Variants in TRPM1 observed in about 807,000 individuals in gnomAD.
TRPM1 encodes transient receptor potential cation channel subfamily M member 1.
Under a neutral mutation model 149.4 loss-of-function variants are expected in TRPM1, and 113 were observed. The observed-to-expected ratio is 0.76, with a 90% CI of 0.65 to 0.88. The LOEUF (loss-of-function observed/expected upper bound fraction) is 0.88, where lower values mean the gene tolerates loss of function less well. Ranked by LOEUF, TRPM1 falls within the 40% of genes least tolerant of loss-of-function variation. TRPM1 has a pLI of 0.00. For missense variants in TRPM1, 1,976 were observed against 2,038.7 expected (o/e 0.97, Z 0.59); for synonymous variants, 741 against 759.5 (o/e 0.98, Z 0.40).
At chr15:31,083,462 C>T (rs1173340887) in intron 1 of TRPM1, among the ~76,000 whole-genome samples, 1 of 152,218 alleles carries the variant, frequency 6.6e-6, no homozygotes, top group African/African-American at 2.4e-5. Context: ...CGGGTTCCCA[C>T]ATGTGCCCTG....
chr15:31,098,521 C>T (rs1215650748), intron 1 of TRPM1, among the ~76,000 whole-genome samples: 1 of 152,148 alleles, frequency 6.6e-6, no homozygotes, highest in Non-Finnish European at 1.5e-5. Flanking sequence ...GTAAGCAGGA[C>T]TTCACTTGGC....
intron 11 of TRPM1, among the ~76,000 whole-genome samples, chr15:31,055,409 A>G (rs1359719559): frequency 6.6e-6 from 1 of 152,204 alleles, no homozygotes; most frequent in Non-Finnish European, 1.5e-5. Flanking sequence ...TATGGAGAGG[A>G]AGCCAAAGCC....
chr15:31,091,696 G>C (rs2035244979), intron 1 of TRPM1, among the ~76,000 whole-genome samples: 1 of 152,156 alleles, frequency 6.6e-6, no homozygotes, highest in African/African-American at 2.4e-5. Context: ...GTGTTCCTCT[G>C]GGGCTGTCCT....
At chr15:31,079,374 A>G (rs2034796550) in intron 2 of TRPM1, among the ~76,000 whole-genome samples, 1 of 152,146 alleles carries the variant, frequency 6.6e-6, no homozygotes, top group Non-Finnish European at 1.5e-5. Context: ...CTGTGGTCTT[A>G]AGGGAAGGAA....
intron 27 of TRPM1, among the ~76,000 whole-genome samples, chr15:31,008,844 A>G (rs1373978984): frequency 6.6e-6 from 1 of 152,216 alleles, no homozygotes; most frequent in Non-Finnish European, 1.5e-5. Flanking sequence ...CCTTTCCCAT[A>G]GCCCTTTGTG....
chr15:31,096,164 G>A (rs2035381139), intron 1 of TRPM1, among the ~76,000 whole-genome samples: 1 of 149,960 alleles, frequency 6.7e-6, no homozygotes, highest in Non-Finnish European at 1.5e-5. Context: ...GGAAGGGAGG[G>A]AAAAAGAGAG....
chr15:31,068,419 C>T (rs778716448), intron 4 of TRPM1, among the ~76,000 whole-genome samples: 4 of 152,042 alleles, frequency 2.6e-5, no homozygotes, highest in Non-Finnish European at 5.9e-5. Context: ...AGCATGGATC[C>T]CTCGTGAGTG....
intron 27 of TRPM1, among the ~76,000 whole-genome samples, chr15:31,025,649 C>T (rs865841349): frequency 6.6e-6 from 1 of 152,134 alleles, no homozygotes; most frequent in South Asian, 2.1e-4. Context: ...CACCCTGCAC[C>T]CCACCCCTCC....
chr15:31,128,075 CTT>C (rs1555431859), intron 1 of TRPM1, among the ~76,000 whole-genome samples: 1 of 151,388 alleles, frequency 6.6e-6, no homozygotes, highest in African/African-American at 2.4e-5. Context: ...TATCTGCAGA[CTT>C]TGACCTGTGC....
intron 1 of TRPM1, among the ~76,000 whole-genome samples, chr15:31,086,806 A>G (rs2035013499): frequency 1.3e-5 from 2 of 152,218 alleles, no homozygotes; most frequent in African/African-American, 4.8e-5. Context: ...ATGTGGAGAA[A>G]TATTTGCAAA....
chr15:31,051,114 C>T (rs989457325), intron 11 of TRPM1, among the ~76,000 whole-genome samples: 1 of 152,080 alleles, frequency 6.6e-6, no homozygotes, highest in African/African-American at 2.4e-5. Context: ...CCGCATGTCA[C>T]TGAAATGCAT....
intron 11 of TRPM1, among the ~76,000 whole-genome samples, chr15:31,055,458 C>T (rs1033582503): frequency 6.6e-6 from 1 of 152,090 alleles, no homozygotes; most frequent in Non-Finnish European, 1.5e-5. Context: ...GAGGTGAGAC[C>T]AGATTTTCCA....
At chr15:31,016,986 C>CAAAA (rs1428703762) in intron 27 of TRPM1, among the ~76,000 whole-genome samples, 1 of 100,284 alleles carries the variant, frequency 1.0e-5, no homozygotes, top group African/African-American at 3.9e-5. Flanking sequence ...CACACACACA[C>CAAAA]ACAAAAAAAA....
At chr15:31,023,352 G>C (rs920282619) in intron 27 of TRPM1, among the ~76,000 whole-genome samples, 1 of 152,260 alleles carries the variant, frequency 6.6e-6, no homozygotes, top group Non-Finnish European at 1.5e-5. Flanking sequence ...GGAGAAGATA[G>C]TGCATGGCAA....
chr15:31,090,181 G>A (rs1044995415), intron 1 of TRPM1, among the ~76,000 whole-genome samples: 7 of 152,064 alleles, frequency 4.6e-5, no homozygotes, highest in African/African-American at 1.7e-4. Context: ...CTCTCGTAAA[G>A]GACTTTTTAA....
intron 13 of TRPM1, among the ~76,000 whole-genome samples, chr15:31,048,160 G>A (rs980248333): frequency 6.6e-6 from 1 of 152,176 alleles, no homozygotes; most frequent in African/African-American, 2.4e-5. Context: ...CTACTAGGGA[G>A]GCTGAGGTTG....
chr15:31,146,390 T>A (rs2036224826), intron 1 of TRPM1, among the ~76,000 whole-genome samples: 1 of 152,206 alleles, frequency 6.6e-6, no homozygotes, highest in Admixed American at 6.5e-5. Flanking sequence ...AGGCCATTGC[T>A]CTTGGACTAA....
chr15:31,041,415 G>A (rs1438939627), intron 17 of TRPM1, among the ~76,000 whole-genome samples: 2 of 152,150 alleles, frequency 1.3e-5, no homozygotes, highest in African/African-American at 2.4e-5. Flanking sequence ...CTCCCAAAGT[G>A]CTGGGATTAC....
rs2140899144 is a variant in TRPM1 at position 31,026,237 on chromosome 15, C to CA, written c.3530dup (p.His1178AlafsTer2). The CA allele has an allele frequency of 6.2e-7, 1 of 1,612,224 alleles. No individual in the cohort carries two copies. The highest frequency in any genetic ancestry group is 8.5e-7 in the Non-Finnish European group (1 of 1,180,012). ...GCACGCACTGCTCCTCGAACTCATG[C>CA]AGCCTCTTTAGCTCCTCGTCGCTAA... is the stretch of plus-strand genomic sequence containing the variant. On this transcript the variant is annotated frameshift_variant, in exon 27 of 28. Coordinates refer to ENST00000256552, the MANE Select transcript of TRPM1 (RefSeq NM_001252024.2). LOFTEE classifies it high-confidence loss of function.
Sources: allele counts gnomAD v4.1 joint callset (sites outside exome capture counted in the v4.1 genomes callset), GRCh38; gene constraint gnomAD v4.1.1; transcripts MANE v1.5; gene names NCBI Gene and HGNC (gene_info 2026-07-23, HGNC 2026-07-21).